The following C2 variants were observed in gnomAD, a reference collection of about 807,000 sequenced individuals.
C2 encodes the protein C3/C5 convertase.
Under a neutral mutation model 85.2 loss-of-function variants are expected in C2, and 64 were observed. The observed-to-expected ratio is 0.75, with a 90% confidence interval of 0.61 to 0.92. The LOEUF is 0.92. C2 is among the 40% of genes least tolerant of loss of function. C2 has a pLI of 0.00. For synonymous variants in C2, 311 were observed against 370.8 expected, an observed-to-expected ratio of 0.84 and a Z score of 1.85; for missense variants, 820 against 971.6, an observed-to-expected ratio of 0.84 and a Z score of 2.07.
chr6:31,943,545 CCAGCCTCCTGATCCTGAAGCCA>C lies in C2; in HGVS notation c.1567+22_1567+43del, dbSNP rs541057516. On this transcript the variant is annotated intron_variant, in intron 12 of 17. Coordinates refer to ENST00000299367, the MANE Select transcript of C2 (RefSeq NM_000063.6). The surrounding 1 kb of genome is among the most constrained non-coding windows in gnomAD (Gnocchi z 6.4). ...CAATGTGGGTAAGGCAGGGGATGCA[CCAGCCTCCTGATCCTGAAGCCA>C]CAGATCCTACCACCTCACCCAGCCT... 1,919 of 1,609,732 alleles carry C rather than the reference CCAGCCTCCTGATCCTGAAGCCA, an allele frequency of 1.2e-3. 5 individuals carry two copies. Among genetic ancestry groups the C allele is most frequent in the Middle Eastern group, 0.011 (65 of 6,056 alleles).
intron 1 of C2, among the ~76,000 whole-genome samples, chr6:31,909,573 G>A (rs2151708187): frequency 6.6e-6 from 1 of 151,858 alleles, no homozygotes; most frequent in South Asian, 2.1e-4. Context: ...TTATAGGCGT[G>A]AGCCATGGCA....
chr6:31,936,078 G>C lies in C2; in HGVS notation c.988+17G>C. 1 of 1,612,124 alleles carries C rather than the reference G, an allele frequency of 6.2e-7. No homozygotes were observed. Among genetic ancestry groups the C allele is most frequent in the Non-Finnish European group, 8.5e-7 (1 of 1,179,428 alleles). On this transcript the variant is annotated intron_variant, in intron 7 of 17. Coordinates refer to ENST00000299367, the MANE Select transcript of C2 (RefSeq NM_000063.6). ...ACTATAAAGGTACGGGTGTCATCAC[G>C]TGATGGTGATGAGAGAGGAGAAGAT...
upstream of C2, chr6:31,900,880 G>C (rs375461795): frequency 4.8e-5 from 77 of 1,613,738 alleles, no homozygotes; most frequent in Non-Finnish European, 6.1e-5. The surrounding 1 kb of genome is among the most constrained non-coding windows in gnomAD (Gnocchi z 9.7). Flanking sequence ...TGCTCACAAG[G>C]CTAGCCTCAC....
intron 1 of C2, among the ~76,000 whole-genome samples, chr6:31,914,315 G>T (rs1341456853): frequency 6.6e-6 from 1 of 151,730 alleles, no homozygotes; most frequent in Non-Finnish European, 1.5e-5. Flanking sequence ...CTGAGTGGCC[G>T]GGCGCGGTGG....
chr6:31,932,111 C>T (rs1388777866), intron 3 of C2, among the ~76,000 whole-genome samples: 1 of 127,270 alleles, frequency 7.9e-6, no homozygotes, highest in Non-Finnish European at 1.7e-5. Flanking sequence ...GCTGGCCGGG[C>T]GAGGGGCTGA....
upstream of C2, among the ~76,000 whole-genome samples, chr6:31,918,414 C>G (rs1244560108): frequency 6.6e-6 from 1 of 151,780 alleles, no homozygotes; most frequent in South Asian, 2.1e-4. Context: ...TACTGAGACC[C>G]CTGTCTTTAC....
At chr6:31,931,576 G>T (rs1769752178) in intron 3 of C2, among the ~76,000 whole-genome samples, 1 of 151,934 alleles carries the variant, frequency 6.6e-6, no homozygotes, top group Admixed American at 6.6e-5. Context: ...GCACAGGGTT[G>T]GGGGTAAGGT....
intron 1 of C2, among the ~76,000 whole-genome samples, chr6:31,913,771 CGT>C (rs1010946237): frequency 6.6e-6 from 1 of 151,892 alleles, no homozygotes; most frequent in African/African-American, 2.4e-5. Context: ...CTCAGGCTCC[CGT>C]GTAGCTGGGA....
chr6:31,907,518 G>T lies in C2; in HGVS notation c.73+6379G>T, dbSNP rs965075741. Among the ~76,000 whole-genome samples the T allele has an allele frequency of 3.4e-5, 5 of 145,996 alleles. No homozygotes were observed. In the Admixed American group the frequency reaches 3.5e-4, roughly 10 times the overall value. ...GATTGATTCAGCCCAGGGAGGAGAAGGCTGCAGTGAGCCTTGTTCGCACTG... is the reference window on the plus strand; with the variant it reads ...GATTGATTCAGCCCAGGGAGGAGAATGCTGCAGTGAGCCTTGTTCGCACTG... On this transcript the variant is annotated intron_variant, in intron 1 of 3. Coordinates refer to the C2 transcript ENST00000452202.
chr6:31,923,954 C>T (rs1415695915), upstream of C2, among the ~76,000 whole-genome samples: 6 of 151,966 alleles, frequency 3.9e-5, no homozygotes, highest in South Asian at 1.0e-3. Flanking sequence ...CGCCTGCCAC[C>T]GCGCCCGGCT....
upstream of C2, chr6:31,900,521 A>T (rs762950988): frequency 1.2e-6 from 2 of 1,611,534 alleles, no homozygotes; most frequent in Non-Finnish European, 1.7e-6. This position sits in a 1 kb window ranked among gnomAD's most constrained non-coding sequence, Gnocchi z 9.7. Flanking sequence ...GGCCTTCACC[A>T]CACCCTGCGG....
chr6:31,923,975 AT>A (rs1483683634), upstream of C2, among the ~76,000 whole-genome samples: 1 of 133,216 alleles, frequency 7.5e-6, no homozygotes, highest in African/African-American at 2.8e-5. Flanking sequence ...AATTATTTGT[AT>A]TTTTTAGTAG....
At chr6:31,938,475 TAC>T (rs1770612107) in intron 8 of C2, among the ~76,000 whole-genome samples, 1 of 141,750 alleles carries the variant, frequency 7.1e-6, no homozygotes, top group African/African-American at 2.7e-5. Flanking sequence ...TATATATGTA[TAC>T]ATACATATAT....
upstream of C2, chr6:31,900,630 G>A (rs145694508): frequency 5.7e-4 from 915 of 1,612,790 alleles, 4 homozygotes; most frequent in African/African-American, 0.01. The surrounding 1 kb of genome is among the most constrained non-coding windows in gnomAD (Gnocchi z 9.7). Context: ...AGGCCTCCAG[G>A]GGGTTTGAGC....
chr6:31,938,151 G>A (rs1022912459), intron 8 of C2, among the ~76,000 whole-genome samples: 6 of 152,114 alleles, frequency 3.9e-5, no homozygotes, highest in Admixed American at 1.3e-4. Flanking sequence ...GTGTGAAAGT[G>A]CTCTGTGTTA....
intron 1 of C2, among the ~76,000 whole-genome samples, chr6:31,913,573 C>G (rs1040253127): frequency 6.6e-6 from 1 of 152,076 alleles, no homozygotes; most frequent in Non-Finnish European, 1.5e-5. Flanking sequence ...GCAACAAAAG[C>G]GAAACTCCAT....
At position 31,944,160 on chromosome 6, in the gene C2, T is replaced by C; in HGVS notation, c.1836T>C (p.Ser612=). The change falls in exon 15 of 18, where the codon AGT becomes AGC. Residue 612 remains serine (S), a synonymous_variant. Coordinates refer to ENST00000299367, the MANE Select transcript of C2 (RefSeq NM_000063.6). This position sits in a 1 kb window ranked among gnomAD's most constrained non-coding sequence, Gnocchi z 5.1. ...DHENELLNKQ[S]VPAHFVALNG... Reference sequence around the variant, plus strand: ...AGAATGAACTGCTGAACAAACAGAGTGTTCCTGCTCATTTTGTCGCCTTGA... The same window carrying C: ...AGAATGAACTGCTGAACAAACAGAGCGTTCCTGCTCATTTTGTCGCCTTGA... The C allele has an allele frequency of 6.2e-7, 1 of 1,612,678 alleles. No homozygotes were observed. The highest frequency in any genetic ancestry group is 8.5e-7 in the Non-Finnish European group (1 of 1,179,706).
upstream of C2, among the ~76,000 whole-genome samples, chr6:31,916,869 C>A (rs1042513884): frequency 0.046 from 3,606 of 78,546 alleles, no homozygotes; most frequent in Middle Eastern, 0.083. Context: ...TCCATCTCAA[C>A]AAAAAAAAAA....
Position 31,943,359 on chromosome 6 carries a change from A to G in C2, c.1455+40A>G. On this transcript the variant is annotated intron_variant, in intron 11 of 17. Transcript: ENST00000299367. The surrounding 1 kb of genome is among the most constrained non-coding windows in gnomAD (Gnocchi z 6.4). ...GGGCAGGGCTTGGATTCCAGAGGTA[A>G]AAGCGGCCATGGGCCAGACATACTG... 6.2e-7 allele frequency: 1 copy of G among 1,609,880 alleles called. No individual in the cohort carries two copies. The highest frequency in any genetic ancestry group is 8.5e-7 in the Non-Finnish European group (1 of 1,177,094).
Sources: allele counts gnomAD v4.1 joint callset (sites outside exome capture counted in the v4.1 genomes callset), GRCh38; gene constraint gnomAD v4.1.1; non-coding constraint Gnocchi (gnomAD v3.1); transcripts MANE v1.5; gene names NCBI Gene and HGNC (gene_info 2026-07-23, HGNC 2026-07-21).